C17orf67: variants seen among roughly 807,000 people sequenced by gnomAD.
The protein encoded by C17orf67 is uncharacterized protein C17orf67.
In C17orf67, 12 loss-of-function variants were observed where a neutral mutation model predicts 11.2. The ratio of observed to expected loss-of-function variants is 1.07; its 90% CI spans 0.68 to 1.73. The LOEUF is 1.73. Ranked by LOEUF, C17orf67 falls within the 40% of genes most tolerant of loss-of-function variation. C17orf67 has a pLI of 0.00. For missense variants in C17orf67, 115 were observed against 113.5 expected (o/e 1.01, Z -0.06); for synonymous variants, 59 against 46.9 (o/e 1.26, Z -1.05).
chr17:56,810,180 G>A (rs1905581901), intron 6 of C17orf67, among the ~76,000 whole-genome samples: 1 of 92,564 alleles, frequency 1.1e-5, no homozygotes, highest in African/African-American at 4.4e-5. Flanking sequence ...CACACTCCTT[G>A]AACACACCCT....
intron 2 of C17orf67, among the ~76,000 whole-genome samples, chr17:56,829,974 AT>A (rs1567802331): frequency 6.6e-6 from 1 of 152,152 alleles, no homozygotes; most frequent in Non-Finnish European, 1.5e-5. Flanking sequence ...CAACTGCAAT[AT>A]TTTTTCTAGA....
At position 56,823,047 on chromosome 17, in the gene C17orf67, G is replaced by C. The variant is rs536257500; in HGVS notation, c.-201+1692C>G. On this transcript the variant is annotated intron_variant, in intron 4 of 7. Coordinates refer to ENST00000397861, the MANE Select transcript of C17orf67 (RefSeq NM_001085430.4). ...TCAGGCTTCTCTCCAACTTAAACAG[G>C]GACAAAGGAGCATTGGCACAGGCAG... is the stretch of plus-strand genomic sequence containing the variant. 2.1e-4 allele frequency among the ~76,000 whole-genome samples: 32 copies of C among 152,144 alleles called. 1 individual carries two copies. The highest frequency in any genetic ancestry group is 4.3e-4 in the Non-Finnish European group (29 of 68,036).
At chr17:56,824,707 A>G (rs2144148043) in intron 4 of C17orf67, 32 bp downstream of exon 4, 1 of 152,460 alleles carries the variant, frequency 6.6e-6, no homozygotes, top group Middle Eastern at 3.4e-3. Flanking sequence ...AACTGAATCC[A>G]GACTCTGTCC....
intron 7 of C17orf67, among the ~76,000 whole-genome samples, chr17:56,793,530 A>G (rs1436607122): frequency 6.6e-6 from 1 of 152,232 alleles, no homozygotes; most frequent in South Asian, 2.1e-4. Flanking sequence ...CTTCAACTGC[A>G]CAACAGTAAT....
intron 6 of C17orf67, among the ~76,000 whole-genome samples, chr17:56,806,173 A>C (rs535508213): frequency 6.6e-6 from 1 of 151,856 alleles, no homozygotes. Context: ...ACGGGGTTTC[A>C]CTATGTTAGC....
intron 6 of C17orf67, among the ~76,000 whole-genome samples, chr17:56,813,135 C>A (rs535470986): frequency 1.3e-5 from 2 of 152,116 alleles, no homozygotes; most frequent in Non-Finnish European, 2.9e-5. Flanking sequence ...CAGCCCCTGC[C>A]GGGTCCCTGA....
intron 2 of C17orf67, among the ~76,000 whole-genome samples, chr17:56,828,126 C>T (rs1323211152): frequency 1.5e-5 from 2 of 130,778 alleles, no homozygotes; most frequent in East Asian, 5.1e-4. Flanking sequence ...AAAAAAAAAG[C>T]CAGGCACGGC....
intron 2 of C17orf67, among the ~76,000 whole-genome samples, chr17:56,825,964 C>CGT (rs1906019315): frequency 1.6e-5 from 2 of 125,916 alleles, no homozygotes; most frequent in Non-Finnish European, 3.5e-5. Context: ...TGTGTGTGCA[C>CGT]GCGTGTGTGT....
chr17:56,815,026 T>A, intron 5 of C17orf67, 57 bp from the exon 6 acceptor site: 1 of 1,398,454 alleles, frequency 7.2e-7, no homozygotes, highest in Non-Finnish European at 1.0e-6. Context: ...TCATGAGCCA[T>A]CTCAACAGTC....
Position 56,824,795 on chromosome 17 carries a change from GC to G in C17orf67, c.-258del, listed in dbSNP as rs1367582157. The stretch of plus-strand genomic sequence containing the variant: ...TTACTGCTATTTCCCAAAAGGGCCA[GC>G]TTTGGGCTTTTCAGTCTTTCAAACA... On this transcript the variant is annotated 5_prime_UTR_variant, in exon 4 of 8. Coordinates refer to ENST00000397861, the MANE Select transcript of C17orf67 (RefSeq NM_001085430.4). The G allele has an allele frequency of 6.6e-6, 1 of 152,234 alleles. No individual in the cohort carries two copies. Among genetic ancestry groups the G allele is most frequent in the Non-Finnish European group, 1.5e-5 (1 of 68,046 alleles). 9.4% of individuals were successfully genotyped at this position (152,234 alleles called of 1,614,324 possible).
intron 6 of C17orf67, among the ~76,000 whole-genome samples, chr17:56,803,227 T>C (rs1192527898): frequency 6.6e-6 from 1 of 152,198 alleles, no homozygotes; most frequent in Non-Finnish European, 1.5e-5. Flanking sequence ...TTTATGTGCA[T>C]GTTGGGCAGA....
At chr17:56,795,848 A>G (rs1455464679) in intron 6 of C17orf67, among the ~76,000 whole-genome samples, 1 of 152,230 alleles carries the variant, frequency 6.6e-6, no homozygotes, top group Admixed American at 6.5e-5. Context: ...GTAGCTATAT[A>G]CAACAACATA....
At chr17:56,811,150 C>T (rs932955530) in intron 6 of C17orf67, among the ~76,000 whole-genome samples, 10 of 152,176 alleles carry the variant, frequency 6.6e-5, no homozygotes, top group African/African-American at 2.4e-4. Flanking sequence ...ACCAGGAAAC[C>T]TGTGTCAGCC....
At chr17:56,833,383 G>C in intron 1 of C17orf67, 41 bp from the exon 2 acceptor site, 1 of 153,042 alleles carries the variant, frequency 6.5e-6, no homozygotes. Flanking sequence ...ATCTCCGGTA[G>C]TCCCCGGCTC....
At chr17:56,806,174 C>T (rs932036577) in intron 6 of C17orf67, among the ~76,000 whole-genome samples, 12 of 151,888 alleles carry the variant, frequency 7.9e-5, no homozygotes, top group Admixed American at 2.6e-4. Context: ...CGGGGTTTCA[C>T]TATGTTAGCC....
intron 6 of C17orf67, among the ~76,000 whole-genome samples, chr17:56,804,890 G>A (rs1056328387): frequency 6.6e-6 from 1 of 152,190 alleles, no homozygotes; most frequent in Non-Finnish European, 1.5e-5. Flanking sequence ...GAAATTTAAT[G>A]AGTCTAAGTG....
chr17:56,801,717 C>T (rs1001383293), intron 6 of C17orf67, among the ~76,000 whole-genome samples: 1 of 152,126 alleles, frequency 6.6e-6, no homozygotes, highest in East Asian at 1.9e-4. Context: ...AACATGTTTG[C>T]GGATTTGGGG....
chr17:56,818,994 G>T (rs1018133611), intron 4 of C17orf67, among the ~76,000 whole-genome samples: 2 of 152,126 alleles, frequency 1.3e-5, no homozygotes, highest in Non-Finnish European at 2.9e-5. Context: ...CTGTTCTCCA[G>T]GTAGCAGCAA....
chr17:56,815,234 T>C (rs1905730745), intron 5 of C17orf67, among the ~76,000 whole-genome samples: 1 of 152,238 alleles, frequency 6.6e-6, no homozygotes, highest in South Asian at 2.1e-4. Context: ...AAAGTGGGTA[T>C]TAATTTAATG....
Sources: gnomAD v4.1 joint callset for allele counts (sites outside exome capture counted in the v4.1 genomes callset) on GRCh38, gnomAD v4.1.1 for gene constraint, MANE v1.5 for transcripts, NCBI Gene and HGNC (gene_info 2026-07-23, HGNC 2026-07-21) for gene names.